TRIP10: variants seen among roughly 807,000 people sequenced by gnomAD.
The protein encoded by TRIP10 is thyroid hormone receptor interactor 10.
In TRIP10, 54 loss-of-function variants were observed where a neutral mutation model predicts 80.9. That is an observed-to-expected ratio of 0.67 (90% CI 0.54 to 0.84). The LOEUF is 0.84. Ranked by LOEUF, TRIP10 falls within the 40% of genes least tolerant of loss-of-function variation. The probability of loss-of-function intolerance (pLI) is 0.00; values close to 1 mark genes in which losing one functional copy is unlikely to be tolerated. For synonymous variants in TRIP10, 321 were observed against 307.2 expected (o/e 1.04, Z -0.47); for missense variants, 773 against 815.3 (o/e 0.95, Z 0.63).
Position 6,745,592 on chromosome 19 carries a change from C to T in TRIP10, c.985-437C>T. 1 of 985,186 alleles carries T rather than the reference C, an allele frequency of 1.0e-6. No individual in the cohort carries two copies. The highest frequency in any genetic ancestry group is 1.2e-6 in the Non-Finnish European group (1 of 829,906). The allele number at this position is 985,186 out of a possible 1,614,324, so 61.0% of individuals were successfully genotyped here. A position where few individuals can be genotyped will look rare whatever the true frequency, so the allele number is the denominator to read the frequency against. On this transcript the variant is annotated intron_variant, in intron 9 of 14. Coordinates refer to ENST00000313244, the MANE Select transcript of TRIP10 (RefSeq NM_001288962.2). The surrounding 1 kb of genome is among the most constrained non-coding windows in gnomAD (Gnocchi z 7.2). ...TTTATTTATTTTTGTCCTCTGTGGCCTCTTACCTGTCTGAGACCTTGATTC... is the reference window on the plus strand; with the variant it reads ...TTTATTTATTTTTGTCCTCTGTGGCTTCTTACCTGTCTGAGACCTTGATTC...
rs776837776 is a variant in TRIP10, at chr19:6,751,371, G to A, written c.*160G>A. 10 of 1,410,446 alleles carry A rather than the reference G, an allele frequency of 7.1e-6. No individual in the cohort carries two copies. Among genetic ancestry groups the A allele is most frequent in the Admixed American group, 3.0e-5 (1 of 33,340 alleles). The allele number at this position is 1,410,446 out of a possible 1,614,324, so 87.4% of individuals were successfully genotyped here. On this transcript the variant is annotated 3_prime_UTR_variant, in exon 15 of 15. Transcript: ENST00000313244. ...CCAACCCAGTCCTACCTGTCACACC[G>A]GACGGACCCGCTGTGCCTTCTACCA...
Position 6,743,395 on chromosome 19 carries a change from C to G in TRIP10, c.409-99C>G. On this transcript the variant is annotated intron_variant, in intron 5 of 14. Transcript: ENST00000313244. ...GCTTCCAGTACTCCCTTGACCCCTA[C>G]TTACTGGATGACATCCCAATAATCC... 3 of 1,522,680 alleles carry G rather than the reference C, an allele frequency of 2.0e-6. 1 individual carries two copies. The South Asian group carries it at 3.4e-5, about 17-fold the overall frequency. The allele number at this position is 1,522,680 out of a possible 1,614,324, so 94.3% of individuals were successfully genotyped here. A position where few individuals can be genotyped will look rare whatever the true frequency, so the allele number is the denominator to read the frequency against.
rs1968967352 is a variant in TRIP10 at position 6,742,985 on chromosome 19, C to T, written c.216C>T (p.Ser72=). 6.2e-7 allele frequency: 1 copy of T among 1,614,156 alleles called. No individual in the cohort carries two copies. The highest frequency in any genetic ancestry group is 8.5e-7 in the Non-Finnish European group (1 of 1,180,040). The part of the protein sequence containing the change: ...DPESKFSQQQ[S]FVQILQEVND... ...ACCCCAGATTCAGCCAGCAACAGTC[C>T]TTCGTACAGATTCTCCAGGAGGTGA... Residue 72 remains serine (S), a synonymous_variant, in exon 4 of 15, where the codon TCC becomes TCT. Coordinates refer to ENST00000313244, the MANE Select transcript of TRIP10 (RefSeq NM_001288962.2).
intron 1 of TRIP10, among the ~76,000 whole-genome samples, chr19:6,740,215 C>A (rs1045926665): frequency 1.3e-5 from 2 of 152,198 alleles, no homozygotes; most frequent in East Asian, 3.9e-4. Flanking sequence ...GAAGTCCTGA[C>A]CGCCCTTTCC....
At chr19:6,742,661 G>C (rs1182878395) in intron 3 of TRIP10, among the ~76,000 whole-genome samples, 3 of 151,670 alleles carry the variant, frequency 2.0e-5, no homozygotes, top group Non-Finnish European at 4.4e-5. Flanking sequence ...GTGTGCCTGT[G>C]GTCCCAGCTA....
At position 6,750,042 on chromosome 19, in the gene TRIP10, G is replaced by A. The variant is rs1969235412; in HGVS notation, c.1371G>A (p.Leu457=). The part of the protein sequence containing the change: ...IAETLSNIER[L]KLEVQKYEAW... The stretch of plus-strand genomic sequence containing the variant: ...AAACCCTGAGCAACATTGAACGGCT[G>A]AAATTGGAAGTGCAGAAGTATGAGG... Residue 457 remains leucine, a synonymous_variant, in exon 12 of 15, where the codon CTG becomes CTA. Transcript: ENST00000313244. 3.8e-6 allele frequency: 6 copies of A among 1,578,734 alleles called. No individual in the cohort carries two copies. The highest frequency in any genetic ancestry group is 1.8e-5 in the Admixed American group (1 of 56,894).
At chr19:6,743,983 T>C (rs1008265177) in intron 7 of TRIP10, 147 bp downstream of exon 7, 1 of 1,095,738 alleles carries the variant, frequency 9.1e-7, no homozygotes. Context: ...GAGCTGTGCT[T>C]TTAGTCAGCT....
chr19:6,746,415 C>T lies in TRIP10; in HGVS notation c.1153-37C>T, dbSNP rs897223402. On this transcript the variant is annotated intron_variant, in intron 10 of 14. Coordinates refer to ENST00000313244, the MANE Select transcript of TRIP10 (RefSeq NM_001288962.2). The surrounding 1 kb of genome is among the most constrained non-coding windows in gnomAD (Gnocchi z 6.2). ...GGTGCAGAGTCTGGCAGGCTAGACT[C>T]CTTGATCCCAAATTCAGCCCTCTAC... 4.2e-5 allele frequency: 68 copies of T among 1,610,108 alleles called. No homozygotes were observed. Among genetic ancestry groups the T allele is most frequent in the Non-Finnish European group, 5.8e-5 (68 of 1,176,608 alleles).
In TRIP10 at chr19:6,746,210, C is replaced by T. The variant is rs756926704; in HGVS notation, c.1152+14C>T. 120 of 1,516,720 alleles carry T rather than the reference C, an allele frequency of 7.9e-5. No individual in the cohort carries two copies. The highest frequency in any genetic ancestry group is 1.0e-4 in the Non-Finnish European group (115 of 1,126,800). The allele number at this position is 1,516,720 out of a possible 1,614,324, so 94.0% of individuals were successfully genotyped here. ...GGCAGCCGTGGGGTAAGTGAGGCCTCGGGGCAGGAGGAGGTGGTGGCCCTA... is the reference window on the plus strand; with the variant it reads ...GGCAGCCGTGGGGTAAGTGAGGCCTTGGGGCAGGAGGAGGTGGTGGCCCTA... On this transcript the variant is annotated intron_variant, in intron 10 of 14. Coordinates refer to ENST00000313244, the MANE Select transcript of TRIP10 (RefSeq NM_001288962.2). This position sits in a 1 kb window ranked among gnomAD's most constrained non-coding sequence, Gnocchi z 6.2.
intron 3 of TRIP10, among the ~76,000 whole-genome samples, chr19:6,741,568 T>C (rs1449147885): frequency 6.6e-6 from 1 of 152,206 alleles, no homozygotes; most frequent in Admixed American, 6.5e-5. Context: ...GCAGATGACT[T>C]AAAGTTTTGC....
intron 3 of TRIP10, 62 bp from the exon 4 acceptor site, chr19:6,742,905 G>A: frequency 6.3e-7 from 1 of 1,593,046 alleles, no homozygotes; most frequent in Admixed American, 1.7e-5. Flanking sequence ...GCGTCCTGGG[G>A]CATCAGCCTG....
chr19:6,746,610 T>C lies in TRIP10; in HGVS notation c.1262+49T>C, dbSNP rs1969142414. The C allele has an allele frequency of 7.6e-7, 1 of 1,313,346 alleles. No homozygotes were observed. The highest frequency in any genetic ancestry group is 1.1e-6 in the Non-Finnish European group (1 of 922,372). 81.4% of individuals were successfully genotyped at this position (1,313,346 alleles called of 1,614,324 possible). A position where few individuals can be genotyped will look rare whatever the true frequency, so the allele number is the denominator to read the frequency against. ...ACAGGCAAGGAACATGATAAAATAG[T>C]AAATGAACTTCACTTATTTGTTTAT... On this transcript the variant is annotated intron_variant, in intron 11 of 14. Transcript: ENST00000313244. The surrounding 1 kb of genome is among the most constrained non-coding windows in gnomAD (Gnocchi z 6.2).
In TRIP10 at chr19:6,744,471, G is replaced by A. The variant is rs1232534647; in HGVS notation, c.643-83G>A. On this transcript the variant is annotated intron_variant, in intron 7 of 14. Coordinates refer to ENST00000313244, the MANE Select transcript of TRIP10 (RefSeq NM_001288962.2). This position sits in a 1 kb window ranked among gnomAD's most constrained non-coding sequence, Gnocchi z 4.9. ...CTTGGGGCTGGGGCCAGCGTGGAGC[G>A]CGATCATATTTGCAGAGTGAATCAC... 9.5e-6 allele frequency: 15 copies of A among 1,581,226 alleles called. No individual in the cohort carries two copies. The highest frequency in any genetic ancestry group is 1.7e-4 in the Middle Eastern group (1 of 6,018).
Position 6,744,458 on chromosome 19 carries a change from G to A in TRIP10, c.643-96G>A. 1 of 1,548,540 alleles carries A rather than the reference G, an allele frequency of 6.5e-7. No homozygotes were observed. Among genetic ancestry groups the A allele is most frequent in the Non-Finnish European group, 8.8e-7 (1 of 1,142,008 alleles). ...CCCTCCAGACTGGCTTGGGGCTGGG[G>A]CCAGCGTGGAGCGCGATCATATTTG... On this transcript the variant is annotated intron_variant, in intron 7 of 14. Coordinates refer to ENST00000313244, the MANE Select transcript of TRIP10 (RefSeq NM_001288962.2). The surrounding 1 kb of genome is among the most constrained non-coding windows in gnomAD (Gnocchi z 4.9).
chr19:6,750,143 G>GGGGGGGGGGGGGGT, intron 12 of TRIP10, 77 bp downstream of exon 12: 1 of 842,270 alleles, frequency 1.2e-6, no homozygotes, highest in Non-Finnish European at 1.9e-6. Flanking sequence ...GGGGGTCGGG[G>GGGGGGGGGGGGGGT]ACAGGGGAGG....
intron 7 of TRIP10, 105 bp downstream of exon 7, chr19:6,743,941 T>A (rs185645648): frequency 7.0e-7 from 1 of 1,437,124 alleles, no homozygotes; most frequent in Non-Finnish European, 9.5e-7. Flanking sequence ...AGTCCCTAGA[T>A]TGAAAGGGAA....
intron 1 of TRIP10, 163 bp from the exon 2 acceptor site, chr19:6,740,847 T>C (rs908304881): frequency 3.3e-6 from 2 of 606,988 alleles, no homozygotes; most frequent in African/African-American, 1.9e-5. Flanking sequence ...TTCCCGCCAG[T>C]TTCCTGCCTC....
intron 11 of TRIP10, among the ~76,000 whole-genome samples, chr19:6,749,487 C>T (rs183280564): frequency 3.0e-4 from 44 of 148,782 alleles, no homozygotes; most frequent in Admixed American, 2.0e-3. Context: ...CCCAGGCAGT[C>T]GGGCACTAGT....
intron 14 of TRIP10, 30 bp from the exon 15 acceptor site, chr19:6,751,033 G>T: frequency 6.7e-7 from 1 of 1,502,522 alleles, no homozygotes; most frequent in Non-Finnish European, 8.9e-7. Context: ...GCCTAAAGCA[G>T]ATCTGGGCCC....
Sources: gnomAD v4.1 joint callset for allele counts (sites outside exome capture counted in the v4.1 genomes callset) on GRCh38, gnomAD v4.1.1 for gene constraint, Gnocchi (gnomAD v3.1) non-coding constraint, MANE v1.5 for transcripts, NCBI Gene and HGNC (gene_info 2026-07-23, HGNC 2026-07-21) for gene names.